LYRM7: variants seen among roughly 807,000 people sequenced by gnomAD.
LYRM7 encodes complex III assembly factor LYRM7.
LYRM7 carries 9 observed loss-of-function variants against 15.8 expected under a neutral mutation model. The observed-to-expected ratio is 0.57, with a 90% CI of 0.34 to 0.99. LYRM7 has a LOEUF of 0.99. Among genes scored for constraint, LYRM7 ranks in the 50% least tolerant of loss-of-function variants. The pLI, the probability that LYRM7 is intolerant of heterozygous loss-of-function variation, is 0.02. For synonymous variants in LYRM7, 39 were observed against 39.4 expected, an observed-to-expected ratio of 0.99 and a Z score of 0.04; for missense variants, 115 against 119.1, an observed-to-expected ratio of 0.97 and a Z score of 0.16.
At chr5:131,193,200 A>G (rs1389564563) in intron 4 of LYRM7, among the ~76,000 whole-genome samples, 1 of 152,238 alleles carries the variant, frequency 6.6e-6, no homozygotes, top group Non-Finnish European at 1.5e-5. Flanking sequence ...GTCTAAAACT[A>G]TCTTATGGTT....
At chr5:131,180,936 G>A (rs576703070) in intron 2 of LYRM7, among the ~76,000 whole-genome samples, 4 of 151,926 alleles carry the variant, frequency 2.6e-5, no homozygotes, top group Admixed American at 1.3e-4. Context: ...GTGGACCTGG[G>A]ATTTAGTCTA....
At chr5:131,187,536 G>A (rs181404973) in intron 4 of LYRM7, among the ~76,000 whole-genome samples, 71 of 151,654 alleles carry the variant, frequency 4.7e-4, no homozygotes, top group African/African-American at 1.6e-3. Flanking sequence ...CCAGGCTGGA[G>A]TGCAGTAGTG....
In LYRM7 at chr5:131,203,030, C is replaced by T. The variant is rs537885299; in HGVS notation, c.*3429C>T. The T allele has an allele frequency of 6.6e-6, 1 of 152,412 alleles. No individual in the cohort carries two copies. Among genetic ancestry groups the T allele is most frequent in the South Asian group, 2.1e-4 (1 of 4,822 alleles). 9.4% of individuals were successfully genotyped at this position (152,412 alleles called of 1,614,324 possible). On this transcript the variant is annotated 3_prime_UTR_variant, in exon 5 of 5. Transcript: ENST00000379380. ...ATTTTCCTGTAGATGCATCTCACAGCATCAGTACAATACCAAAAAAGCACA... is the reference window on the plus strand; with the variant it reads ...ATTTTCCTGTAGATGCATCTCACAGTATCAGTACAATACCAAAAAAGCACA...
intron 4 of LYRM7, among the ~76,000 whole-genome samples, chr5:131,187,571 A>G (rs1416966598): frequency 6.6e-6 from 1 of 150,638 alleles, no homozygotes; most frequent in Non-Finnish European, 1.5e-5. Flanking sequence ...TGCAACCTCC[A>G]CCTCCTGGGT....
intron 3 of LYRM7, among the ~76,000 whole-genome samples, chr5:131,185,379 T>TTAGGG (rs1218348917): frequency 6.6e-6 from 1 of 152,144 alleles, no homozygotes; most frequent in Non-Finnish European, 1.5e-5. Context: ...GTTTCCTCAC[T>TTAGGG]TAGGGTTTTT....
chr5:131,178,119 T>C (rs1329123681), intron 1 of LYRM7, among the ~76,000 whole-genome samples: 1 of 152,222 alleles, frequency 6.6e-6, no homozygotes, highest in Admixed American at 6.5e-5. Flanking sequence ...TTTTTTGCTC[T>C]GTTTCTTATT....
chr5:131,187,733 G>C (rs1252632034), intron 4 of LYRM7, among the ~76,000 whole-genome samples: 1 of 151,920 alleles, frequency 6.6e-6, no homozygotes, highest in Admixed American at 6.6e-5. Context: ...TGATCCACCT[G>C]CTTCAGCCCC....
chr5:131,174,900 A>T (rs1755574930), intron 1 of LYRM7, among the ~76,000 whole-genome samples: 1 of 152,324 alleles, frequency 6.6e-6, no homozygotes, highest in African/African-American at 2.4e-5. Flanking sequence ...GCGGGGCTGC[A>T]AAATGGATGT....
At chr5:131,193,924 G>T (rs143237339) in intron 4 of LYRM7, among the ~76,000 whole-genome samples, 1 of 152,034 alleles carries the variant, frequency 6.6e-6, no homozygotes, top group Non-Finnish European at 1.5e-5. Flanking sequence ...CAGGAGAATC[G>T]CTTGAACCCG....
rs1755666652 is a variant in LYRM7, at chr5:131,180,092, C to T, written c.19-3C>T. ...CAACCTTGAATTCTGATTTTCTTAA[C>T]AGGTTTTACAGCTCTTTAAAACACT... On this transcript the variant is annotated splice_polypyrimidine_tract_variant and splice_region_variant and intron_variant, in intron 1 of 4. Transcript: ENST00000379380. 6.2e-7 allele frequency: 1 copy of T among 1,606,056 alleles called. No individual in the cohort carries two copies. The highest frequency in any genetic ancestry group is 8.5e-7 in the Non-Finnish European group (1 of 1,173,906).
At chr5:131,193,507 A>G (rs1472877613) in intron 4 of LYRM7, among the ~76,000 whole-genome samples, 2 of 152,238 alleles carry the variant, frequency 1.3e-5, no homozygotes, top group East Asian at 1.9e-4. Context: ...CATCATTTAT[A>G]TAATATACAT....
At chr5:131,181,423 A>G (rs1351236877) in intron 2 of LYRM7, among the ~76,000 whole-genome samples, 3 of 120,236 alleles carry the variant, frequency 2.5e-5, no homozygotes, top group African/African-American at 3.7e-5. Flanking sequence ...ATGTTTATAT[A>G]TATATAACAT....
chr5:131,196,814 C>T (rs547521512), intron 4 of LYRM7, among the ~76,000 whole-genome samples: 14 of 152,034 alleles, frequency 9.2e-5, no homozygotes, highest in South Asian at 4.2e-4. Context: ...CCTGCCACCA[C>T]GCCCAGCTAA....
At chr5:131,185,892 T>A (rs1156554748) in intron 3 of LYRM7, among the ~76,000 whole-genome samples, 3 of 152,222 alleles carry the variant, frequency 2.0e-5, no homozygotes, top group Non-Finnish European at 4.4e-5. Flanking sequence ...CTTGAAAGCT[T>A]CAGTTTTGTC....
intron 3 of LYRM7, among the ~76,000 whole-genome samples, chr5:131,182,512 T>C (rs1224521736): frequency 1.3e-5 from 2 of 152,206 alleles, no homozygotes; most frequent in African/African-American, 2.4e-5. Flanking sequence ...CAACAGAACA[T>C]GGAAATAGCC....
chr5:131,181,518 A>C (rs1755714231), intron 2 of LYRM7, among the ~76,000 whole-genome samples: 1 of 140,484 alleles, frequency 7.1e-6, no homozygotes, highest in African/African-American at 2.8e-5. Context: ...CATAGAAGGA[A>C]GTTTTTATGG....
At chr5:131,175,974 G>T (rs1755596098) in intron 1 of LYRM7, among the ~76,000 whole-genome samples, 2 of 151,992 alleles carry the variant, frequency 1.3e-5, no homozygotes, top group Non-Finnish European at 2.9e-5. Context: ...TGGCCAGGCT[G>T]GTCTTGAACT....
At chr5:131,197,541 C>CTTTTTTTTTT (rs60003952) in intron 4 of LYRM7, among the ~76,000 whole-genome samples, 4 of 90,748 alleles carry the variant, frequency 4.4e-5, no homozygotes, top group East Asian at 3.8e-4. Flanking sequence ...TGTCTTCTGT[C>CTTTTTTTTTT]TTTTTTTTTT....
chr5:131,181,949 G>T (rs1755720090), intron 2 of LYRM7, among the ~76,000 whole-genome samples: 1 of 152,128 alleles, frequency 6.6e-6, no homozygotes, highest in Non-Finnish European at 1.5e-5. Flanking sequence ...TTATAATTCA[G>T]TAGCTATAGG....
Sources: allele counts gnomAD v4.1 joint callset (sites outside exome capture counted in the v4.1 genomes callset), GRCh38; gene constraint gnomAD v4.1.1; transcripts MANE v1.5; gene names NCBI Gene and HGNC (gene_info 2026-07-23, HGNC 2026-07-21).